The following ABCB1 variants were observed in gnomAD, a reference collection of about 807,000 sequenced individuals.
The protein encoded by ABCB1 is ATP-dependent translocase ABCB1.
A neutral mutation model predicts 142.0 loss-of-function variants in ABCB1; 69 were observed. The ratio of observed to expected loss-of-function variants is 0.49; its 90% CI spans 0.40 to 0.59. The LOEUF (loss-of-function observed/expected upper bound fraction) is 0.59. ABCB1 is among the 20% of genes least tolerant of loss of function. The pLI is 0.00. For missense variants in ABCB1, 1,326 were observed against 1,554.7 expected (o/e 0.85, Z 2.47); for synonymous variants, 532 against 539.2 (o/e 0.99, Z 0.18).
At chr7:87,506,105 T>C in intron 26 of ABCB1, 62 bp from the exon 27 acceptor site, 1 of 1,550,268 alleles carries the variant, frequency 6.5e-7, no homozygotes, top group Non-Finnish European at 8.9e-7. Flanking sequence ...ACAGCTTGCT[T>C]ATAGAAAGTA....
intron 3 of ABCB1, among the ~76,000 whole-genome samples, chr7:87,593,462 A>G (rs959430110): frequency 1.3e-5 from 2 of 152,210 alleles, no homozygotes; most frequent in Non-Finnish European, 2.9e-5. Context: ...ATTAACAGAC[A>G]TTGTGTGCAG....
intron 1 of ABCB1, among the ~76,000 whole-genome samples, chr7:87,658,594 A>C (rs971944409): frequency 8.5e-5 from 13 of 152,234 alleles, no homozygotes; most frequent in African/African-American, 3.1e-4. Context: ...ACGATAATTA[A>C]ACCAATAAAT....
At chr7:87,599,405 C>T (rs1048679473) in intron 2 of ABCB1, among the ~76,000 whole-genome samples, 3 of 152,194 alleles carry the variant, frequency 2.0e-5, no homozygotes, top group African/African-American at 7.2e-5. Flanking sequence ...AGCCAGGCCA[C>T]AAACGCGATG....
At position 87,545,987 on chromosome 7, in the gene ABCB1, C is replaced by T. The variant is rs1816763308; in HGVS notation, c.1763G>A (p.Arg588His). The change falls in exon 15 of 28, where the codon CGT (arginine) becomes CAT (histidine). Residue 588 changes from arginine to histidine, a missense_variant. Transcript: ENST00000622132. Reference sequence around the variant, plus strand: ...GTCAGCATTACGAACTGTAGACAAACGATGAGCTATCACAATGGTGGTCCG... The same window carrying T: ...GTCAGCATTACGAACTGTAGACAAATGATGAGCTATCACAATGGTGGTCCG... ...KGRTTIVIAH[R>H]LSTVRNADVI... 7.4e-6 allele frequency: 12 copies of T among 1,614,074 alleles called. No individual in the cohort carries two copies. Among genetic ancestry groups the T allele is most frequent in the East Asian group, 2.2e-5 (1 of 44,852 alleles).
chr7:87,616,894 G>A (rs1820048745), intron 1 of ABCB1, among the ~76,000 whole-genome samples: 1 of 152,120 alleles, frequency 6.6e-6, no homozygotes, highest in Non-Finnish European at 1.5e-5. Flanking sequence ...CTTCCCTTAT[G>A]ATAAGGGCAG....
At chr7:87,515,098 G>A (rs577100647) in intron 25 of ABCB1, 133 bp downstream of exon 25, 2 of 1,183,230 alleles carry the variant, frequency 1.7e-6, no homozygotes, top group African/African-American at 3.0e-5. Flanking sequence ...CCATATTTAG[G>A]CTCTCAGACT....
intron 21 of ABCB1, among the ~76,000 whole-genome samples, chr7:87,525,031 C>T (rs1040021941): frequency 7.4e-5 from 11 of 149,166 alleles, no homozygotes; most frequent in Admixed American, 2.0e-4. Flanking sequence ...GAGTCACAGA[C>T]CTAAAAGTGG....
chr7:87,525,560 A>G (rs1244282890), intron 21 of ABCB1, among the ~76,000 whole-genome samples: 2 of 152,210 alleles, frequency 1.3e-5, no homozygotes, highest in Non-Finnish European at 2.9e-5. Context: ...ACATATTTGT[A>G]TTTTTATAAT....
chr7:87,629,077 A>G, intron 1 of ABCB1: 1 of 879,684 alleles, frequency 1.1e-6, no homozygotes, highest in Non-Finnish European at 1.5e-6. Context: ...GCGCCAGCCA[A>G]ATCTGTGAGC....
intron 1 of ABCB1, among the ~76,000 whole-genome samples, chr7:87,651,651 A>T (rs895377555): frequency 2.6e-5 from 4 of 152,124 alleles, no homozygotes; most frequent in Non-Finnish European, 4.4e-5. Context: ...TACAATCTTA[A>T]TGATACAGTT....
chr7:87,631,271 C>A (rs1821188391), intron 1 of ABCB1, among the ~76,000 whole-genome samples: 1 of 152,142 alleles, frequency 6.6e-6, no homozygotes, highest in Admixed American at 6.5e-5. Context: ...TTAAGTATCC[C>A]CATGACAAAT....
At chr7:87,574,202 A>G (rs1818181107) in intron 4 of ABCB1, among the ~76,000 whole-genome samples, 1 of 152,142 alleles carries the variant, frequency 6.6e-6, no homozygotes, top group African/African-American at 2.4e-5. Flanking sequence ...CCTTGGACCT[A>G]GAGAGACACG....
At chr7:87,521,032 A>C in intron 21 of ABCB1, 156 bp from the exon 22 acceptor site, 2 of 651,878 alleles carry the variant, frequency 3.1e-6, no homozygotes. Flanking sequence ...TAAGTAATTT[A>C]TCAAACTGAG....
At chr7:87,554,343 A>C (rs2129736697) in intron 8 of ABCB1, among the ~76,000 whole-genome samples, 1 of 152,038 alleles carries the variant, frequency 6.6e-6, no homozygotes, top group South Asian at 2.1e-4. Flanking sequence ...TACTAAAAAA[A>C]AAAAAAAGGG....
chr7:87,639,074 C>A (rs1457128773), intron 1 of ABCB1, among the ~76,000 whole-genome samples: 8 of 151,664 alleles, frequency 5.3e-5, no homozygotes, highest in South Asian at 2.1e-4. Flanking sequence ...ATGGTGTAAA[C>A]CCCGGAGGCG....
At position 87,544,939 on chromosome 7, in the gene ABCB1, C is replaced by T; in HGVS notation, c.1948G>A (p.Ala650Thr). Residue 650 changes from alanine to threonine, a missense_variant, in exon 16 of 28, where the codon GCC becomes ACC. By Grantham distance (58) the Ala-to-Thr change is moderately conservative (BLOSUM62 0). Coordinates refer to ENST00000622132, the MANE Select transcript of ABCB1 (RefSeq NM_001348946.2). ...GAATCATTTGAAGACATTTCCAAGGCATCAATTTCACTTTTGGATTCATCA... is the reference window on the plus strand; with the variant it reads ...GAATCATTTGAAGACATTTCCAAGGTATCAATTTCACTTTTGGATTCATCA... ...AADESKSEIDALEMSSNDSRS... is the reference protein window; with the variant it reads ...AADESKSEIDTLEMSSNDSRS... 6.2e-7 allele frequency: 1 copy of T among 1,614,108 alleles called. No homozygotes were observed. The highest frequency in any genetic ancestry group is 1.3e-5 in the African/African-American group (1 of 75,052).
chr7:87,686,351 A>G (rs1827452772), intron 1 of ABCB1, among the ~76,000 whole-genome samples: 1 of 152,218 alleles, frequency 6.6e-6, no homozygotes, highest in African/African-American at 2.4e-5. Flanking sequence ...TAATAGAAGT[A>G]TATTAACGAG....
At chr7:87,694,067 G>T in intron 1 of ABCB1, 1 of 1,527,624 alleles carries the variant, frequency 6.5e-7, no homozygotes, top group South Asian at 1.3e-5. Flanking sequence ...ACATTGCATG[G>T]GTTTTGTAAA....
At chr7:87,518,802 ATC>A in intron 23 of ABCB1, 1 of 154,634 alleles carries the variant, frequency 6.5e-6, no homozygotes, top group East Asian at 1.9e-4. Flanking sequence ...AGGTACAATT[ATC>A]TACATTCAGA....
Sources: gnomAD v4.1 joint callset for allele counts (sites outside exome capture counted in the v4.1 genomes callset) on GRCh38, gnomAD v4.1.1 for gene constraint, MANE v1.5 for transcripts, NCBI Gene and HGNC (gene_info 2026-07-23, HGNC 2026-07-21) for gene names.